The following MTMR14 variants were observed in gnomAD, a reference collection of about 807,000 sequenced individuals.
MTMR14 encodes the protein myotubularin related protein 14, also known as phosphatidylinositol-3,5-bisphosphate 3-phosphatase MTMR14.
In MTMR14, 48 loss-of-function variants were observed where a neutral mutation model predicts 86.3. That is an observed-to-expected ratio of 0.56 (90% confidence interval 0.44 to 0.71). The LOEUF (loss-of-function observed/expected upper bound fraction) is 0.71. Ranked by LOEUF, MTMR14 falls within the 30% of genes least tolerant of loss-of-function variation. The pLI, the probability that MTMR14 is intolerant of heterozygous loss-of-function variation, is 0.00. For missense variants in MTMR14, 780 were observed against 834.6 expected (o/e 0.93, Z 0.81); for synonymous variants, 366 against 326.1 (o/e 1.12, Z -1.32).
intron 2 of MTMR14, among the ~76,000 whole-genome samples, chr3:9,657,185 A>G (rs2047657043): frequency 6.6e-6 from 1 of 152,108 alleles, no homozygotes; most frequent in Non-Finnish European, 1.5e-5. Context: ...TTGGGATTAG[A>G]GGTGAGAGCC....
At chr3:9,685,591 C>G (rs567429254) in intron 13 of MTMR14, among the ~76,000 whole-genome samples, 2 of 152,186 alleles carry the variant, frequency 1.3e-5, no homozygotes, top group African/African-American at 4.8e-5. Context: ...CTGTGCCCCT[C>G]GTCTCTGCAA....
chr3:9,684,793 G>A (rs889575762), intron 11 of MTMR14, 95 bp from the exon 12 acceptor site: 1 of 1,544,032 alleles, frequency 6.5e-7, no homozygotes, highest in Non-Finnish European at 9.0e-7. Context: ...GTCCTTCCGG[G>A]TGTTCTTCAG....
At chr3:9,669,524 G>T (rs756791891) in intron 5 of MTMR14, 32 bp downstream of exon 5, 1 of 1,604,200 alleles carries the variant, frequency 6.2e-7, no homozygotes, top group African/African-American at 1.3e-5. Context: ...TCAGGGGCTT[G>T]TGTTGGGGAT....
chr3:9,663,989 A>G (rs538344191), intron 3 of MTMR14, among the ~76,000 whole-genome samples: 1 of 149,154 alleles, frequency 6.7e-6, no homozygotes, highest in African/African-American at 2.5e-5. Context: ...GGGTTTCGCC[A>G]TGGTGGCCAG....
chr3:9,650,491 C>T lies in MTMR14; in HGVS notation c.159+749C>T, dbSNP rs1456450658. ...GTTTTCCAGTGGAATTCTGTTCCAT[C>T]CTGCACCACAGAACTCTGATTTGAC... On this transcript the variant is annotated intron_variant, in intron 1 of 18. Coordinates refer to ENST00000296003, the MANE Select transcript of MTMR14 (RefSeq NM_001077525.3). 9.7e-6 allele frequency: 4 copies of T among 413,136 alleles called. No homozygotes were observed. The Admixed American group carries it at 1.1e-4, about 11-fold the overall frequency. The allele number at this position is 413,136 out of a possible 1,614,324, so 25.6% of individuals were successfully genotyped here. A position where few individuals can be genotyped will look rare whatever the true frequency, so the allele number is the denominator to read the frequency against.
At chr3:9,699,114 G>T (rs1049435411) in intron 18 of MTMR14, among the ~76,000 whole-genome samples, 1 of 151,348 alleles carries the variant, frequency 6.6e-6, no homozygotes, top group Non-Finnish European at 1.5e-5. Flanking sequence ...GGAGGTTGCC[G>T]TGAGTCGAGA....
intron 9 of MTMR14, among the ~76,000 whole-genome samples, chr3:9,681,699 T>G (rs1380869834): frequency 6.6e-6 from 1 of 152,058 alleles, no homozygotes; most frequent in Non-Finnish European, 1.5e-5. Flanking sequence ...TTGTTTGTTT[T>G]TTAGCATATC....
chr3:9,699,170 CAAA>C (rs113659946), intron 18 of MTMR14, among the ~76,000 whole-genome samples: 6 of 121,326 alleles, frequency 4.9e-5, no homozygotes, highest in South Asian at 2.7e-4. Context: ...GAAACTCTCT[CAAA>C]AAAAAAAAAA....
chr3:9,684,467 G>C (rs2075868712), intron 10 of MTMR14, 118 bp from the exon 11 acceptor site: 2 of 929,242 alleles, frequency 2.2e-6, no homozygotes, highest in South Asian at 1.3e-5. Flanking sequence ...AGGCCACTGG[G>C]GAAGACAGAA....
chr3:9,684,780 C>T (rs2075882924), intron 11 of MTMR14, 108 bp from the exon 12 acceptor site: 1 of 1,543,896 alleles, frequency 6.5e-7, no homozygotes, highest in African/African-American at 1.4e-5. Flanking sequence ...TGTGTTTAAC[C>T]CTGTCCTTCC....
At chr3:9,659,099 G>A (rs1029293607) in intron 2 of MTMR14, among the ~76,000 whole-genome samples, 1 of 152,170 alleles carries the variant, frequency 6.6e-6, no homozygotes, top group African/African-American at 2.4e-5. Flanking sequence ...GCCAAGCATC[G>A]TGGCATGTGC....
intron 18 of MTMR14, 41 bp downstream of exon 18, chr3:9,697,907 A>G (rs1409004018): frequency 1.2e-6 from 2 of 1,612,486 alleles, no homozygotes; most frequent in Non-Finnish European, 1.7e-6. Flanking sequence ...TCCCCTGCCC[A>G]TGGGAAAAGC....
chr3:9,682,002 C>G (rs540529794), intron 9 of MTMR14, among the ~76,000 whole-genome samples: 112 of 152,358 alleles, frequency 7.4e-4, no homozygotes, highest in Non-Finnish European at 1.1e-3. Flanking sequence ...AGGGCCTGCC[C>G]TCCCCGGCTG....
At chr3:9,655,010 G>A (rs968092483) in intron 2 of MTMR14, among the ~76,000 whole-genome samples, 18 of 152,178 alleles carry the variant, frequency 1.2e-4, no homozygotes, top group Non-Finnish European at 2.4e-4. Flanking sequence ...TCAGGCCAGG[G>A]AGTGTGAACC....
At chr3:9,674,836 G>A (rs1476976824) in intron 7 of MTMR14, among the ~76,000 whole-genome samples, 1 of 152,206 alleles carries the variant, frequency 6.6e-6, no homozygotes, top group African/African-American at 2.4e-5. Flanking sequence ...CAAAAGCCGA[G>A]TGCAGTGGCT....
intron 10 of MTMR14, 82 bp downstream of exon 10, chr3:9,683,326 T>C (rs1175479092): frequency 2.2e-6 from 3 of 1,334,770 alleles, no homozygotes; most frequent in Non-Finnish European, 3.2e-6. Context: ...TGTATGTTTG[T>C]TGGAGTTGCA....
At chr3:9,670,127 T>G (rs1291028272) in intron 5 of MTMR14, among the ~76,000 whole-genome samples, 2 of 152,264 alleles carry the variant, frequency 1.3e-5, no homozygotes. Context: ...TTGCATGGTC[T>G]GTACCACATG....
intron 3 of MTMR14, among the ~76,000 whole-genome samples, chr3:9,663,527 T>TTTTTTTTGG (rs2048067301): frequency 7.2e-6 from 1 of 138,894 alleles, no homozygotes. Flanking sequence ...TTTTTTTTTT[T>TTTTTTTTGG]GAGGCAGCAG....
intron 9 of MTMR14, among the ~76,000 whole-genome samples, chr3:9,679,351 G>A (rs1179542145): frequency 6.6e-6 from 1 of 152,222 alleles, no homozygotes; most frequent in Non-Finnish European, 1.5e-5. Context: ...GACAGACTGA[G>A]TAGATAAAAG....
Sources: allele counts gnomAD v4.1 joint callset (sites outside exome capture counted in the v4.1 genomes callset), GRCh38; gene constraint gnomAD v4.1.1; transcripts MANE v1.5; gene names NCBI Gene and HGNC (gene_info 2026-07-23, HGNC 2026-07-21).